The following ATP8A2 variants were observed in gnomAD, a reference collection of about 807,000 sequenced individuals.
ATP8A2 encodes the protein phospholipid-transporting ATPase IB.
Under a neutral mutation model 165.6 loss-of-function variants are expected in ATP8A2, and 100 were observed. That is an observed-to-expected ratio of 0.60 (90% confidence interval 0.51 to 0.71). ATP8A2 has a LOEUF of 0.71. ATP8A2 is among the 30% of genes least tolerant of loss of function. The probability of loss-of-function intolerance (pLI) is 0.00; values close to 1 mark genes in which losing one functional copy is unlikely to be tolerated. For missense variants in ATP8A2, 1,227 were observed against 1,479.5 expected (o/e 0.83, Z 2.80); for synonymous variants, 543 against 548.8 (o/e 0.99, Z 0.15).
intron 24 of ATP8A2, among the ~76,000 whole-genome samples, chr13:25,647,336 T>C (rs1409328540): frequency 6.6e-6 from 1 of 152,244 alleles, no homozygotes; most frequent in Non-Finnish European, 1.5e-5. Flanking sequence ...TTTCTGTTTC[T>C]GCCTCATTTT....
chr13:25,522,711 T>A (rs2037709064), intron 2 of ATP8A2, among the ~76,000 whole-genome samples: 1 of 152,204 alleles, frequency 6.6e-6, no homozygotes, highest in Non-Finnish European at 1.5e-5. Context: ...TATATCACAT[T>A]TATAGATTTG....
At chr13:25,581,577 C>T (rs2039778516) in intron 22 of ATP8A2, among the ~76,000 whole-genome samples, 1 of 152,176 alleles carries the variant, frequency 6.6e-6, no homozygotes. Flanking sequence ...TCTATTCTAA[C>T]AAGCCCCTGT....
At chr13:25,758,835 AT>A (rs201752750) in intron 25 of ATP8A2, among the ~76,000 whole-genome samples, 3,420 of 152,302 alleles carry the variant, frequency 0.022, 58 homozygotes, top group South Asian at 0.068. Context: ...GTAAAGCATT[AT>A]TATTTCCCGC....
intron 25 of ATP8A2, among the ~76,000 whole-genome samples, chr13:25,747,174 T>C (rs894574519): frequency 1.3e-5 from 2 of 152,244 alleles, no homozygotes; most frequent in Non-Finnish European, 2.9e-5. Context: ...GAAGGAGGGA[T>C]CAGTAGAAAC....
intron 18 of ATP8A2, among the ~76,000 whole-genome samples, chr13:25,572,644 TG>T (rs1203362198): frequency 2.6e-5 from 4 of 152,278 alleles, no homozygotes; most frequent in Admixed American, 6.5e-5. Context: ...GAGGCAGTGG[TG>T]TTTTTCATGA....
chr13:25,784,338 G>A (rs148790666), intron 27 of ATP8A2, among the ~76,000 whole-genome samples: 216 of 152,256 alleles, frequency 1.4e-3, no homozygotes, highest in Non-Finnish European at 2.7e-3. Flanking sequence ...TTCGTAGCCC[G>A]GGTGCACTCT....
At chr13:25,791,194 A>G (rs554371486) in intron 27 of ATP8A2, among the ~76,000 whole-genome samples, 1 of 152,340 alleles carries the variant, frequency 6.6e-6, no homozygotes, top group South Asian at 2.1e-4. Context: ...ACCATGGGAT[A>G]CTATGCAGCC....
intron 2 of ATP8A2, among the ~76,000 whole-genome samples, chr13:25,514,527 GT>G (rs1370933110): frequency 1.3e-5 from 2 of 152,182 alleles, no homozygotes; most frequent in East Asian, 3.9e-4. Flanking sequence ...GTTTGTGTGG[GT>G]GCCCTGGGAA....
rs2032420923 is a variant in ATP8A2 at position 25,372,141 on chromosome 13, G to C, written c.-72G>C. ...GGCCCACCCATGGTCCTCGGGCGGC[G>C]GCCCCTGCGCCCAGCCCTGCGCGTA... is the stretch of plus-strand genomic sequence containing the variant. On this transcript the variant is annotated 5_prime_UTR_variant, in exon 1 of 37. Coordinates refer to ENST00000381655, the MANE Select transcript of ATP8A2 (RefSeq NM_016529.6). This position sits in a 1 kb window ranked among gnomAD's most constrained non-coding sequence, Gnocchi z 4.8. 1 of 1,102,146 alleles carries C rather than the reference G, an allele frequency of 9.1e-7. No individual in the cohort carries two copies. The highest frequency in any genetic ancestry group is 1.2e-6 in the Non-Finnish European group (1 of 853,944). The allele number at this position is 1,102,146 out of a possible 1,614,324, so 68.3% of individuals were successfully genotyped here.
chr13:25,939,998 C>A (rs1955026591), intron 33 of ATP8A2, among the ~76,000 whole-genome samples: 1 of 152,176 alleles, frequency 6.6e-6, no homozygotes, highest in Non-Finnish European at 1.5e-5. Flanking sequence ...ACTCCGTGCA[C>A]TCAGGCTGCT....
chr13:26,008,586 T>C (rs933427662), intron 35 of ATP8A2, among the ~76,000 whole-genome samples: 3 of 152,180 alleles, frequency 2.0e-5, no homozygotes, highest in Non-Finnish European at 2.9e-5. Context: ...TTCAAGCTGT[T>C]GTAGCTTTCC....
chr13:25,769,621 C>G (rs12867515), intron 26 of ATP8A2, among the ~76,000 whole-genome samples: 2 of 152,210 alleles, frequency 1.3e-5, no homozygotes, highest in African/African-American at 4.8e-5. Flanking sequence ...CTCTATAATC[C>G]TGTTCCAGTC....
At chr13:25,426,654 G>A (rs975722104) in intron 1 of ATP8A2, among the ~76,000 whole-genome samples, 1 of 151,918 alleles carries the variant, frequency 6.6e-6, no homozygotes, top group Non-Finnish European at 1.5e-5. Flanking sequence ...AGTTAATAAT[G>A]TATCAGGGCC....
chr13:25,574,132 C>A (rs2039549165), intron 18 of ATP8A2, among the ~76,000 whole-genome samples: 1 of 152,096 alleles, frequency 6.6e-6, no homozygotes, highest in South Asian at 2.1e-4. Flanking sequence ...GCATGCGCAC[C>A]ATCTGGAATT....
chr13:25,440,143 A>G (rs1301073838), intron 1 of ATP8A2, among the ~76,000 whole-genome samples: 1 of 151,912 alleles, frequency 6.6e-6, no homozygotes, highest in African/African-American at 2.4e-5. Flanking sequence ...AAAGAGCTCT[A>G]CACAGATGCT....
rs368146764 is a variant in ATP8A2 at position 25,398,389 on chromosome 13, AC to A, written c.76+26106del. ...GAGAATGTATAATGAGGTATGTCTG[AC>A]CCCCTCCTTCCTATCATGGCCTGAG... is the stretch of plus-strand genomic sequence containing the variant. On this transcript the variant is annotated intron_variant, in intron 1 of 36. Transcript: ENST00000381655. Among the ~76,000 whole-genome samples, 8 of 151,882 alleles carry A rather than the reference AC, an allele frequency of 5.3e-5. No individual in the cohort carries two copies. The East Asian group carries it at 1.5e-3, about 29-fold the overall frequency.
rs796625445 is a variant in ATP8A2, at chr13:26,023,401, C to T, written c.*3416C>T. The T allele has an allele frequency of 1.3e-5, 2 of 152,266 alleles. No individual in the cohort carries two copies. Among genetic ancestry groups the T allele is most frequent in the African/African-American group, 4.8e-5 (2 of 41,528 alleles). The allele number at this position is 152,266 out of a possible 1,614,324, so 9.4% of individuals were successfully genotyped here. A position where few individuals can be genotyped will look rare whatever the true frequency, so the allele number is the denominator to read the frequency against. ...AGAATTCTGTTGACATTTTCTTTCC[C>T]TTGACAAGGCTTCAGGTTCGTCTCA... On this transcript the variant is annotated 3_prime_UTR_variant, in exon 37 of 37. Transcript: ENST00000381655.
chr13:25,993,212 G>A (rs1218831172), intron 35 of ATP8A2, among the ~76,000 whole-genome samples: 1 of 152,076 alleles, frequency 6.6e-6, no homozygotes, highest in Non-Finnish European at 1.5e-5. Flanking sequence ...CCAGTAATGG[G>A]ATGGCTGGGT....
intron 36 of ATP8A2, among the ~76,000 whole-genome samples, chr13:26,018,808 T>G (rs1223980131): frequency 1.3e-5 from 2 of 152,196 alleles, no homozygotes; most frequent in African/African-American, 4.8e-5. Flanking sequence ...TCTCTGTGCC[T>G]CAGTTTTCTC....
Sources: allele counts gnomAD v4.1 joint callset (sites outside exome capture counted in the v4.1 genomes callset), GRCh38; gene constraint gnomAD v4.1.1; non-coding constraint Gnocchi (gnomAD v3.1); transcripts MANE v1.5; gene names NCBI Gene and HGNC (gene_info 2026-07-23, HGNC 2026-07-21).